Variants in AFM observed in about 807,000 individuals in gnomAD.
The protein encoded by AFM is alpha-Alb.
A neutral mutation model predicts 68.7 loss-of-function variants in AFM; 82 were observed. The ratio of observed to expected loss-of-function variants is 1.19; its 90% CI spans 1.00 to 1.43. The LOEUF is 1.43. Among genes scored for constraint, AFM ranks in the 40% most tolerant of loss-of-function variants. AFM has a pLI of 0.00. For missense variants in AFM, 772 were observed against 701.8 expected (o/e 1.10, Z -1.13); for synonymous variants, 250 against 234.2 (o/e 1.07, Z -0.61).
Position 73,503,030 on chromosome 4 carries a change from A to G in AFM, c.1780-20A>G. ...TAAATTTTTCTTCCTATGTGTTTTT[A>G]TTTCCATCCCTCACCTCAGAGTCCA... On this transcript the variant is annotated intron_variant, in intron 13 of 14. Coordinates refer to ENST00000226355, the MANE Select transcript of AFM (RefSeq NM_001133.2). 6.2e-7 allele frequency: 1 copy of G among 1,612,150 alleles called. No homozygotes were observed. The highest frequency in any genetic ancestry group is 8.5e-7 in the Non-Finnish European group (1 of 1,178,664).
chr4:73,485,930 C>T lies in AFM; in HGVS notation c.339C>T (p.Cys113=). ...GLPQKHNFSH[C]CSKVDAQRRL... is the part of the protein sequence containing the mutation. ...CACAAAAGCATAATTTCTCACACTG[C>T]TGCAGTAAGGTTGATGCTCAAAGAA... is the stretch of plus-strand genomic sequence containing the variant. Residue 113 remains cysteine (C), a synonymous_variant, in exon 4 of 15, where the codon TGC becomes TGT. Coordinates refer to ENST00000226355, the MANE Select transcript of AFM (RefSeq NM_001133.2). The T allele has an allele frequency of 1.2e-6, 2 of 1,614,108 alleles. No homozygotes were observed. The highest frequency in any genetic ancestry group is 1.7e-6 in the Non-Finnish European group (2 of 1,179,966).
intron 3 of AFM, among the ~76,000 whole-genome samples, chr4:73,485,627 GAAA>G (rs1209514048): frequency 5.0e-5 from 7 of 139,010 alleles, no homozygotes; most frequent in African/African-American, 1.9e-4. Context: ...AGAAGAAGAA[GAAA>G]AAGAAGAGGA....
chr4:73,500,943 T>A (rs1721407636), intron 12 of AFM, among the ~76,000 whole-genome samples: 1 of 152,186 alleles, frequency 6.6e-6, no homozygotes, highest in Admixed American at 6.6e-5. Flanking sequence ...GTTTTCATTT[T>A]AAAAATGAAA....
chr4:73,487,687 G>C, intron 5 of AFM, 37 bp from the exon 6 acceptor site: 1 of 1,352,708 alleles, frequency 7.4e-7, no homozygotes, highest in Non-Finnish European at 1.1e-6. Flanking sequence ...GTGAGATTTT[G>C]CTATTGTTTC....
At chr4:73,495,576 A>G in intron 9 of AFM, 144 bp downstream of exon 9, 2 of 1,053,140 alleles carry the variant, frequency 1.9e-6, no homozygotes, top group Non-Finnish European at 2.7e-6. Context: ...GCCTAAGAAG[A>G]TTATTGGGAA....
Position 73,502,550 on chromosome 4 carries a change from G to A in AFM, c.1780-500G>A, listed in dbSNP as rs1008478343. Among the ~76,000 whole-genome samples the A allele has an allele frequency of 2.0e-5, 3 of 152,120 alleles. No homozygotes were observed. The South Asian group carries it at 6.2e-4, about 31-fold the overall frequency. On this transcript the variant is annotated intron_variant, in intron 13 of 14. Coordinates refer to ENST00000226355, the MANE Select transcript of AFM (RefSeq NM_001133.2). The stretch of plus-strand genomic sequence containing the variant: ...CAACCTGTGAATGTTAGCCCCAATG[G>A]ATGGCTCCATGGAAATGCCTGTTCA...
intron 7 of AFM, among the ~76,000 whole-genome samples, chr4:73,491,230 A>T (rs1721062324): frequency 3.3e-5 from 5 of 152,178 alleles, no homozygotes; most frequent in Admixed American, 3.3e-4. Flanking sequence ...AACTGGGGCA[A>T]TTGGTAGGGA....
Position 73,481,811 on chromosome 4 carries a change from C to T in AFM, c.36C>T (p.Phe12=), listed in dbSNP as rs1278170716. 6.2e-7 allele frequency: 1 copy of T among 1,606,330 alleles called. No homozygotes were observed. The highest frequency in any genetic ancestry group is 8.5e-7 in the Non-Finnish European group (1 of 1,176,548). The part of the protein sequence containing the change: ...KLLKLTGFIF[F]LFFLTESLTL... The stretch of plus-strand genomic sequence containing the variant: ...TAAAACTTACAGGTTTTATTTTTTT[C>T]TTGTTTTTTTTGACTGAATCCCTAA... Residue 12 remains phenylalanine, a synonymous_variant, in exon 1 of 15, where the codon TTC becomes TTT. Coordinates refer to ENST00000226355, the MANE Select transcript of AFM (RefSeq NM_001133.2).
chr4:73,499,280 T>A (rs1577981205), intron 11 of AFM, 34 bp downstream of exon 11: 1 of 1,461,894 alleles, frequency 6.8e-7, no homozygotes, highest in Non-Finnish European at 9.1e-7. Flanking sequence ...CTACTCTTTT[T>A]TTTTTTTTTT....
At chr4:73,496,830 G>C (rs1435525068) in intron 9 of AFM, among the ~76,000 whole-genome samples, 1 of 151,960 alleles carries the variant, frequency 6.6e-6, no homozygotes, top group South Asian at 2.1e-4. Flanking sequence ...TTAATAATTT[G>C]ACATTTTTTG....
intron 9 of AFM, 82 bp downstream of exon 9, chr4:73,495,514 C>T: frequency 5.9e-6 from 9 of 1,536,692 alleles, no homozygotes; most frequent in Non-Finnish European, 7.0e-6. Flanking sequence ...AGTTTTGCTG[C>T]AGTCTGGGGG....
intron 1 of AFM, among the ~76,000 whole-genome samples, chr4:73,483,439 G>A (rs1234920103): frequency 3.9e-5 from 6 of 152,190 alleles, no homozygotes; most frequent in Admixed American, 2.0e-4. Flanking sequence ...GCTCCAATTA[G>A]TGTATGCTCA....
chr4:73,491,878 G>C lies in AFM; in HGVS notation c.850G>C (p.Val284Leu). 6.2e-7 allele frequency: 1 copy of C among 1,612,928 alleles called. No homozygotes were observed. Among genetic ancestry groups the C allele is most frequent in the Non-Finnish European group, 8.5e-7 (1 of 1,179,336 alleles). The change falls in exon 8 of 15, where the codon GTT becomes CTT. Residue 284 changes from valine to leucine, a missense_variant. By Grantham distance (32) the Val-to-Leu change is conservative. Transcript: ENST00000226355. ...VVQCIRDTSK[V>L]MNHICSKQDS... ...TCATTCTTATTTGGTACAGAGCAAG[G>C]TTATGAACCATATTTGTTCAAAACA...
At chr4:73,494,060 G>GGTGTGT (rs60080861) in intron 8 of AFM, among the ~76,000 whole-genome samples, 92 of 147,798 alleles carry the variant, frequency 6.2e-4, no homozygotes, top group Admixed American at 6.8e-4. Flanking sequence ...CATGTTTTTA[G>GGTGTGT]GTGTGTGTGT....
At chr4:73,488,495 G>C in intron 6 of AFM, 135 bp from the exon 7 acceptor site, 1 of 705,704 alleles carries the variant, frequency 1.4e-6, no homozygotes, top group Non-Finnish European at 2.2e-6. Context: ...ATTTGATAAA[G>C]ACTTCTATAA....
At chr4:73,503,159 T>G in intron 14 of AFM, 49 bp downstream of exon 14, 1 of 1,397,948 alleles carries the variant, frequency 7.2e-7, no homozygotes, top group Non-Finnish European at 1.0e-6. Flanking sequence ...GTGGCTTATC[T>G]GATCTCCTTG....
At chr4:73,496,656 AAACACCTTTAT>A (rs528300192) in intron 9 of AFM, among the ~76,000 whole-genome samples, 76 of 152,304 alleles carry the variant, frequency 5.0e-4, no homozygotes, top group African/African-American at 1.6e-3. Flanking sequence ...TGTGTTTTTA[AAACACCTTTAT>A]TTGATTTTTA....
intron 14 of AFM, 66 bp downstream of exon 14, chr4:73,503,176 C>G: frequency 1.7e-6 from 2 of 1,207,790 alleles, no homozygotes; most frequent in East Asian, 4.7e-5. Context: ...CTTGCCTTTT[C>G]TCCCTCATGC....
At chr4:73,485,619 A>AGG (rs1720873758) in intron 3 of AFM, among the ~76,000 whole-genome samples, 3 of 148,114 alleles carry the variant, frequency 2.0e-5, no homozygotes, top group South Asian at 2.2e-4. Flanking sequence ...GAAGAGGAAG[A>AGG]AGAAGAAGAA....
Sources: allele counts gnomAD v4.1 joint callset (sites outside exome capture counted in the v4.1 genomes callset), GRCh38; gene constraint gnomAD v4.1.1; transcripts MANE v1.5; gene names NCBI Gene and HGNC (gene_info 2026-07-23, HGNC 2026-07-21).